The following PHACTR1 variants were observed in gnomAD, a reference collection of about 807,000 sequenced individuals.
PHACTR1 encodes the protein phosphatase and actin regulator 1.
PHACTR1 carries 16 observed loss-of-function variants against 69.2 expected under a neutral mutation model. The observed-to-expected ratio is 0.23, with a 90% CI of 0.16 to 0.35. The LOEUF (loss-of-function observed/expected upper bound fraction) is 0.35, where lower values mean the gene tolerates loss of function less well. PHACTR1 is among the 10% of genes least tolerant of loss of function. The probability of loss-of-function intolerance (pLI) is 1.00; values close to 1 mark genes in which losing one functional copy is unlikely to be tolerated. For synonymous variants in PHACTR1, 312 were observed against 284.5 expected (o/e 1.10, Z -0.97); for missense variants, 510 against 734.7 (o/e 0.69, Z 3.54).
chr6:13,110,208 A>G (rs1816813193), intron 5 of PHACTR1, among the ~76,000 whole-genome samples: 1 of 151,696 alleles, frequency 6.6e-6, no homozygotes, highest in Non-Finnish European at 1.5e-5. Context: ...GTAGTTTTTT[A>G]TTAAATACCA....
chr6:13,287,120 A>G lies in PHACTR1; in HGVS notation c.*42A>G. ...GAGTGCTATGCTGTCTTCAAAACAT[A>G]AATTTATAAGAACCATAAGTGCTGG... On this transcript the variant is annotated 3_prime_UTR_variant, in exon 15 of 15. Transcript: ENST00000332995. 6.4e-7 allele frequency: 1 copy of G among 1,564,950 alleles called. No homozygotes were observed. The highest frequency in any genetic ancestry group is 8.7e-7 in the Non-Finnish European group (1 of 1,145,550).
chr6:12,841,824 T>C (rs1326994741), intron 4 of PHACTR1, among the ~76,000 whole-genome samples: 4 of 152,216 alleles, frequency 2.6e-5, no homozygotes, highest in African/African-American at 4.8e-5. Context: ...GCAGTATCTG[T>C]TGTGGGAATC....
chr6:12,798,707 G>A (rs1437323597), intron 4 of PHACTR1, among the ~76,000 whole-genome samples: 4 of 152,314 alleles, frequency 2.6e-5, no homozygotes, highest in South Asian at 2.1e-4. Flanking sequence ...TCAGGGTATC[G>A]CAAAGGAAGC....
chr6:13,224,786 C>T (rs1373083635), intron 8 of PHACTR1, among the ~76,000 whole-genome samples: 1 of 152,170 alleles, frequency 6.6e-6, no homozygotes, highest in Non-Finnish European at 1.5e-5. Flanking sequence ...ACTTGAGAGG[C>T]ATTCAAAGTT....
At chr6:12,794,527 A>G (rs1772731991) in intron 4 of PHACTR1, among the ~76,000 whole-genome samples, 1 of 152,272 alleles carries the variant, frequency 6.6e-6, no homozygotes, top group African/African-American at 2.4e-5. Flanking sequence ...GCCACATTAG[A>G]AAAAGTAAAA....
At chr6:13,022,666 TAAAAA>T (rs201078402) in intron 4 of PHACTR1, among the ~76,000 whole-genome samples, 1 of 141,962 alleles carries the variant, frequency 7.0e-6, no homozygotes, top group Admixed American at 7.1e-5. Context: ...TCTCTGGCCT[TAAAAA>T]AAAAAAAAAA....
chr6:13,068,177 CAT>C (rs1808949328), intron 5 of PHACTR1, among the ~76,000 whole-genome samples: 1 of 152,104 alleles, frequency 6.6e-6, no homozygotes, highest in African/African-American at 2.4e-5. Context: ...ATTAGCTGAG[CAT>C]AGTGGCGTGC....
chr6:12,964,760 AAAT>A (rs1049424460), intron 4 of PHACTR1, among the ~76,000 whole-genome samples: 1 of 152,120 alleles, frequency 6.6e-6, no homozygotes, highest in Non-Finnish European at 1.5e-5. Context: ...TAATGATAAT[AAAT>A]AATAATAATA....
chr6:13,163,324 C>T (rs1480042268), intron 6 of PHACTR1, among the ~76,000 whole-genome samples: 1 of 152,220 alleles, frequency 6.6e-6, no homozygotes, highest in Admixed American at 6.5e-5. Context: ...CTAGTCCCCA[C>T]ATGTCACTTG....
At chr6:12,933,276 A>G (rs949984783) in intron 4 of PHACTR1, among the ~76,000 whole-genome samples, 6 of 152,094 alleles carry the variant, frequency 3.9e-5, no homozygotes, top group Non-Finnish European at 8.8e-5. Context: ...ATGGTTTCAT[A>G]TTTTTCTTAG....
chr6:13,075,414 G>A (rs1183451774), intron 5 of PHACTR1, among the ~76,000 whole-genome samples: 1 of 152,150 alleles, frequency 6.6e-6, no homozygotes, highest in Non-Finnish European at 1.5e-5. Flanking sequence ...ATCGAAACAA[G>A]AAGCTGATCC....
At chr6:12,987,711 C>A (rs1277752717) in intron 4 of PHACTR1, among the ~76,000 whole-genome samples, 2 of 152,078 alleles carry the variant, frequency 1.3e-5, no homozygotes, top group Non-Finnish European at 2.9e-5. Context: ...ATGTGGGGTG[C>A]TGATAGTGGA....
At chr6:13,095,234 A>G (rs1813987336) in intron 5 of PHACTR1, among the ~76,000 whole-genome samples, 1 of 152,202 alleles carries the variant, frequency 6.6e-6, no homozygotes, top group South Asian at 2.1e-4. Context: ...TGATAACGCT[A>G]TTTCCAATGT....
chr6:13,214,920 T>C (rs1767436511), intron 8 of PHACTR1, among the ~76,000 whole-genome samples: 1 of 152,206 alleles, frequency 6.6e-6, no homozygotes, highest in African/African-American at 2.4e-5. Flanking sequence ...CATTTAGTTC[T>C]GATGGAAATT....
intron 10 of PHACTR1, among the ~76,000 whole-genome samples, chr6:13,260,680 G>A (rs147016021): frequency 1.2e-3 from 186 of 152,246 alleles, no homozygotes; most frequent in African/African-American, 4.3e-3. Flanking sequence ...TGACTGGCAT[G>A]CATCATACTG....
At chr6:12,727,475 A>T (rs1762937081) in intron 3 of PHACTR1, among the ~76,000 whole-genome samples, 1 of 152,178 alleles carries the variant, frequency 6.6e-6, no homozygotes, top group African/African-American at 2.4e-5. Context: ...GTGATCCAGG[A>T]CTCATACATA....
intron 7 of PHACTR1, among the ~76,000 whole-genome samples, chr6:13,194,968 G>A (rs1764166574): frequency 1.3e-5 from 2 of 152,080 alleles, no homozygotes; most frequent in Non-Finnish European, 2.9e-5. Flanking sequence ...GGCTTGGAAG[G>A]GAAAGCCAGG....
At chr6:12,975,507 A>T (rs1438471163) in intron 4 of PHACTR1, among the ~76,000 whole-genome samples, 1 of 152,200 alleles carries the variant, frequency 6.6e-6, no homozygotes, top group Non-Finnish European at 1.5e-5. Flanking sequence ...CATTTTAACT[A>T]TTAAGGAGCT....
chr6:12,742,702 G>A (rs999101264), intron 3 of PHACTR1, among the ~76,000 whole-genome samples: 50 of 152,062 alleles, frequency 3.3e-4, no homozygotes, highest in Admixed American at 1.2e-3. Flanking sequence ...GTTATAGAAA[G>A]ACAAAGATCC....
Sources: allele counts gnomAD v4.1 joint callset (sites outside exome capture counted in the v4.1 genomes callset), GRCh38; gene constraint gnomAD v4.1.1; transcripts MANE v1.5; gene names NCBI Gene and HGNC (gene_info 2026-07-23, HGNC 2026-07-21).